The following ASPH variants were observed in gnomAD, a reference collection of about 807,000 sequenced individuals.
The protein encoded by ASPH is aspartate beta-hydroxylase, also known as aspartyl/asparaginyl beta-hydroxylase.
In ASPH, 100 loss-of-function variants were observed where a neutral mutation model predicts 118.4. The ratio of observed to expected loss-of-function variants is 0.84; its 90% CI spans 0.72 to 1.00. ASPH has a LOEUF of 1.00. ASPH is among the 50% of genes least tolerant of loss of function. The pLI, the probability that ASPH is intolerant of heterozygous loss-of-function variation, is 0.00. For missense variants in ASPH, 920 were observed against 919.5 expected (o/e 1.00, Z -0.01); for synonymous variants, 315 against 325.6 (o/e 0.97, Z 0.35).
chr8:61,603,713 C>G (rs150677013), intron 14 of ASPH, among the ~76,000 whole-genome samples: 1 of 152,292 alleles, frequency 6.6e-6, no homozygotes, highest in African/African-American at 2.4e-5. Context: ...TCCCTATCCC[C>G]AAGTACTTCA....
intron 14 of ASPH, chr8:61,607,152 G>A (rs1171086542): frequency 8.0e-6 from 5 of 626,856 alleles, no homozygotes; most frequent in Non-Finnish European, 1.4e-5. Context: ...CACACAAAAG[G>A]AGCCTATATA....
intron 24 of ASPH, among the ~76,000 whole-genome samples, chr8:61,511,291 C>T (rs1410316776): frequency 3.3e-5 from 5 of 152,148 alleles, no homozygotes; most frequent in Admixed American, 3.3e-4. Flanking sequence ...TTCAGTCTGT[C>T]GCTAAGTGAC....
At chr8:61,546,240 G>T (rs184573464) in intron 21 of ASPH, among the ~76,000 whole-genome samples, 1 of 152,196 alleles carries the variant, frequency 6.6e-6, no homozygotes, top group Admixed American at 6.5e-5. Context: ...ATACTGCCCC[G>T]AAGTCTGCCC....
intron 24 of ASPH, among the ~76,000 whole-genome samples, chr8:61,509,475 C>G (rs556407001): frequency 1.3e-5 from 2 of 152,288 alleles, no homozygotes; most frequent in Admixed American, 6.5e-5. Context: ...GCAGTGAGGA[C>G]GACCAGAGGT....
Position 61,588,449 on chromosome 8 carries a change from C to T in ASPH, c.977-4420G>A, listed in dbSNP as rs117327621. On this transcript the variant is annotated intron_variant, in intron 14 of 24. Transcript: ENST00000379454. Reference sequence around the variant, plus strand: ...TGGAAGATGTTTTTATACTACAGTCCATGGGGAGAAGTTGATCATCAATAA... The same window carrying T: ...TGGAAGATGTTTTTATACTACAGTCTATGGGGAGAAGTTGATCATCAATAA... Among the ~76,000 whole-genome samples, 237 of 152,304 alleles carry T rather than the reference C, an allele frequency of 1.6e-3. 3 individuals carry two copies. In the East Asian group the frequency reaches 0.036, roughly 23 times the overall value.
chr8:61,516,403 C>T (rs1437642073), intron 24 of ASPH, among the ~76,000 whole-genome samples: 2 of 152,144 alleles, frequency 1.3e-5, no homozygotes, highest in African/African-American at 4.8e-5. Flanking sequence ...GAGGACGGCC[C>T]CTTCTGAGTC....
At chr8:61,680,180 A>G (rs185056918) in intron 3 of ASPH, among the ~76,000 whole-genome samples, 2 of 151,964 alleles carry the variant, frequency 1.3e-5, no homozygotes, top group Admixed American at 1.3e-4. Context: ...TCATTATTTT[A>G]TAAGCTTAGT....
intron 3 of ASPH, among the ~76,000 whole-genome samples, chr8:61,679,942 T>TAATAAAAAAA (rs1563553724): frequency 1.5e-5 from 1 of 67,748 alleles, no homozygotes. Context: ...TGGGCAATAA[T>TAATAAAAAAA]AAAAAAAAAA....
At chr8:61,648,596 C>T (rs1439135529) in intron 5 of ASPH, among the ~76,000 whole-genome samples, 3 of 152,188 alleles carry the variant, frequency 2.0e-5, no homozygotes, top group Middle Eastern at 3.2e-3. Flanking sequence ...ATTTAGCTTT[C>T]GTATGCGGTT....
intron 14 of ASPH, among the ~76,000 whole-genome samples, chr8:61,597,601 A>G (rs1469527478): frequency 6.6e-6 from 1 of 152,246 alleles, no homozygotes; most frequent in African/African-American, 2.4e-5. Flanking sequence ...AAAACTGTCA[A>G]AAGTGAAAGA....
chr8:61,548,928 G>A (rs1051419683), intron 20 of ASPH, among the ~76,000 whole-genome samples: 13 of 152,078 alleles, frequency 8.5e-5, no homozygotes, highest in Non-Finnish European at 1.8e-4. Context: ...AGCTGGCTAC[G>A]GAGCATGACG....
chr8:61,541,256 T>G (rs1821839028), intron 21 of ASPH, among the ~76,000 whole-genome samples: 2 of 152,002 alleles, frequency 1.3e-5, no homozygotes. Context: ...CCCAGCTACT[T>G]GGGAGGCTAA....
Position 61,562,745 on chromosome 8 carries a change from T to G in ASPH, c.1436A>C (p.Glu479Ala). 6.2e-7 allele frequency: 1 copy of G among 1,605,664 alleles called. No homozygotes were observed. The highest frequency in any genetic ancestry group is 8.5e-7 in the Non-Finnish European group (1 of 1,177,220). Reference sequence around the variant, plus strand: ...AGTTAATACAAGATTGATGCTTACCTCTTCATAAACTTTCTTTGCATTGTC... The same window carrying G: ...AGTTAATACAAGATTGATGCTTACCGCTTCATAAACTTTCTTTGCATTGTC... ...DNDNAKKVYE[E>A]VLSVTPNDGF... The change falls in exon 18 of 25, where the codon GAG becomes GCG. Residue 479 changes from glutamate to alanine, a missense_variant and splice_region_variant. Transcript: ENST00000379454.
chr8:61,610,845 C>T (rs1284289530), intron 14 of ASPH, among the ~76,000 whole-genome samples: 1 of 152,098 alleles, frequency 6.6e-6, no homozygotes, highest in African/African-American at 2.4e-5. Context: ...CTCCAGTGGG[C>T]AGCAAAAAGA....
intron 14 of ASPH, among the ~76,000 whole-genome samples, chr8:61,584,259 G>A (rs1326216703): frequency 6.6e-6 from 1 of 152,136 alleles, no homozygotes; most frequent in African/African-American, 2.4e-5. Context: ...TGTGTTCTTG[G>A]GAGAGTGGGT....
At chr8:61,622,027 TC>T (rs1283849878) in intron 13 of ASPH, among the ~76,000 whole-genome samples, 6 of 152,148 alleles carry the variant, frequency 3.9e-5, no homozygotes, top group Admixed American at 3.3e-4. Flanking sequence ...CTAAAGCAAA[TC>T]GCTTTGGTGG....
intron 1 of ASPH, among the ~76,000 whole-genome samples, chr8:61,704,449 A>T (rs1836073832): frequency 6.6e-6 from 1 of 151,930 alleles, no homozygotes; most frequent in Admixed American, 6.6e-5. Flanking sequence ...AAGAAAATAA[A>T]AGAGGATAGC....
chr8:61,675,002 G>A (rs1418748531), intron 3 of ASPH, among the ~76,000 whole-genome samples: 1 of 152,038 alleles, frequency 6.6e-6, no homozygotes, highest in Non-Finnish European at 1.5e-5. Context: ...TTGCTTGAGG[G>A]GAAACTGATG....
At chr8:61,705,240 A>G (rs1836297426) in intron 1 of ASPH, among the ~76,000 whole-genome samples, 1 of 152,158 alleles carries the variant, frequency 6.6e-6, no homozygotes, top group Admixed American at 6.5e-5. Context: ...ACTGGGGCCT[A>G]CTTGAGGGTG....
Sources: gnomAD v4.1 joint callset for allele counts (sites outside exome capture counted in the v4.1 genomes callset) on GRCh38, gnomAD v4.1.1 for gene constraint, MANE v1.5 for transcripts, NCBI Gene and HGNC (gene_info 2026-07-23, HGNC 2026-07-21) for gene names.